The following AACS variants were observed in gnomAD, a reference collection of about 807,000 sequenced individuals.
The protein encoded by AACS is acetoacetyl-CoA synthetase, also known as acetoacetate-CoA ligase.
A neutral mutation model predicts 83.1 loss-of-function variants in AACS; 69 were observed. The observed-to-expected ratio is 0.83, with a 90% CI of 0.68 to 1.01. The LOEUF is 1.01. AACS is among the 50% of genes least tolerant of loss of function. The probability of loss-of-function intolerance (pLI) is 0.00; values close to 1 mark genes in which losing one functional copy is unlikely to be tolerated. For synonymous variants in AACS, 333 were observed against 343.4 expected (o/e 0.97, Z 0.33); for missense variants, 866 against 882.2 (o/e 0.98, Z 0.23).
rs916249838 is a variant in AACS, at chr12:125,091,455, G to A, written c.502G>A (p.Glu168Lys). 18 of 1,614,100 alleles carry A rather than the reference G, an allele frequency of 1.1e-5. No individual in the cohort carries two copies. Among genetic ancestry groups the A allele is most frequent in the African/African-American group, 2.7e-5 (2 of 74,936 alleles). ...GYLPNSEHAV[E>K]AMLAAASIGA... ...TTTACCCAACAGTGAGCACGCTGTC[G>A]AGGCGATGCTGGCTGCGGCAAGCAT... The change falls in exon 5 of 18, where the codon GAG becomes AAG. Residue 168 changes from glutamate (E) to lysine (K), a missense_variant. Physicochemically the swap from Glu to Lys is moderately conservative, Grantham distance 56. Transcript: ENST00000316519.
intron 4 of AACS, among the ~76,000 whole-genome samples, chr12:125,089,076 G>A (rs1210524889): frequency 6.6e-6 from 1 of 152,186 alleles, no homozygotes; most frequent in Non-Finnish European, 1.5e-5. Context: ...CAGCCACATG[G>A]AGTCAGATGG....
chr12:125,101,110 C>T (rs1956700041), intron 5 of AACS: 5 of 152,228 alleles, frequency 3.3e-5, no homozygotes, highest in Admixed American at 3.3e-4. Flanking sequence ...GATGGCTACC[C>T]ATGTTTGCAG....
rs774854307 is a variant in AACS at position 125,076,518 on chromosome 12, G to C, written c.265G>C (p.Asp89His). ...TGTGGACACATCGAAAGGAATCGCA[G>C]ATGTCCCCGAGTGGTTCAAAGGCAG... ...EVVDTSKGIADVPEWFKGSRL... is the reference protein window; with the variant it reads ...EVVDTSKGIAHVPEWFKGSRL... The change falls in exon 3 of 18, where the codon GAT becomes CAT. Residue 89 changes from aspartate to histidine, a missense_variant. Coordinates refer to ENST00000316519, the MANE Select transcript of AACS (RefSeq NM_023928.5). The C allele has an allele frequency of 6.2e-7, 1 of 1,614,052 alleles. No homozygotes were observed. The highest frequency in any genetic ancestry group is 8.5e-7 in the Non-Finnish European group (1 of 1,180,020).
In AACS at chr12:125,134,813, A is replaced by C. The variant is rs769940081; in HGVS notation, c.1639A>C (p.Asn547His). ...LGRSDGTLNP[N>H]GVRFGSSEIY... ...TTCCAGTGACGGCACCCTCAACCCC[A>C]ACGGGGTGCGGTTCGGCAGCTCGGA... is the stretch of plus-strand genomic sequence containing the variant. The change falls in exon 16 of 18, where the codon AAC becomes CAC. Residue 547 changes from asparagine to histidine, a missense_variant. Physicochemically the swap from Asn to His is moderately conservative, Grantham distance 68 (BLOSUM62 1). Coordinates refer to ENST00000316519, the MANE Select transcript of AACS (RefSeq NM_023928.5). 1.9e-6 allele frequency: 3 copies of C among 1,613,952 alleles called. No individual in the cohort carries two copies. The African/African-American group carries it at 4.0e-5, about 22-fold the overall frequency.
At chr12:125,103,190 T>C in intron 7 of AACS, 109 bp downstream of exon 7, 1 of 911,806 alleles carries the variant, frequency 1.1e-6, no homozygotes. Flanking sequence ...ATTTTAGAAG[T>C]GGAGGAGGTT....
At chr12:125,110,189 TTGTGTGTGTGTGTG>T (rs59856503) in intron 8 of AACS, among the ~76,000 whole-genome samples, 19,183 of 118,698 alleles carry the variant, frequency 0.16, 1,670 homozygotes, top group Non-Finnish European at 0.2. Flanking sequence ...CCGGCTAAGT[TTGTGTGTGTGTGTG>T]TGTGTGTGTG....
At chr12:125,099,548 A>G (rs1428370528) in intron 5 of AACS, among the ~76,000 whole-genome samples, 1 of 152,206 alleles carries the variant, frequency 6.6e-6, no homozygotes, top group African/African-American at 2.4e-5. Flanking sequence ...GTCACCTGCA[A>G]TATGAGGGTG....
chr12:125,125,227 G>C (rs1453116854), intron 12 of AACS, among the ~76,000 whole-genome samples: 3 of 152,120 alleles, frequency 2.0e-5, no homozygotes, highest in South Asian at 4.1e-4. Flanking sequence ...TGCTCCTGGG[G>C]GAAATAGATT....
intron 13 of AACS, chr12:125,128,482 C>T (rs1404477566): frequency 1.4e-5 from 6 of 429,174 alleles, no homozygotes; most frequent in South Asian, 1.0e-4. Context: ...AGGTCAGGGT[C>T]GAGCTGGAGG....
intron 1 of AACS, among the ~76,000 whole-genome samples, chr12:125,070,996 C>G (rs879652264): frequency 6.6e-6 from 1 of 152,206 alleles, no homozygotes; most frequent in Admixed American, 6.5e-5. Context: ...CAAGAATAAA[C>G]CTTTATCACC....
At chr12:125,116,525 G>A (rs967157738) in intron 9 of AACS, among the ~76,000 whole-genome samples, 11 of 152,134 alleles carry the variant, frequency 7.2e-5, no homozygotes, top group East Asian at 1.9e-4. Context: ...GTGCAGTGGC[G>A]CGATTTTGGC....
At chr12:125,085,655 G>A (rs1956323952) in intron 3 of AACS, among the ~76,000 whole-genome samples, 3 of 152,134 alleles carry the variant, frequency 2.0e-5, no homozygotes, top group African/African-American at 7.2e-5. Context: ...GGTGTACTCT[G>A]TTTATGGAGG....
Position 125,140,814 on chromosome 12 carries a change from G to A in AACS, c.1882-1278G>A, listed in dbSNP as rs1957476651. On this transcript the variant is annotated intron_variant, in intron 17 of 17. Transcript: ENST00000316519. The surrounding 1 kb of genome is among the most constrained non-coding windows in gnomAD (Gnocchi z 5.1). Reference sequence around the variant, plus strand: ...AACACACCGTCCCGTGCAGATGGCTGGCTCTGAGGAGGAGTTCATGGGAGC... The same window carrying A: ...AACACACCGTCCCGTGCAGATGGCTAGCTCTGAGGAGGAGTTCATGGGAGC... The A allele has an allele frequency of 6.6e-6, 1 of 152,204 alleles. No individual in the cohort carries two copies. Among genetic ancestry groups the A allele is most frequent in the Non-Finnish European group, 1.5e-5 (1 of 68,044 alleles). The allele number at this position is 152,204 out of a possible 1,614,324, so 9.4% of individuals were successfully genotyped here. A position where few individuals can be genotyped will look rare whatever the true frequency, so the allele number is the denominator to read the frequency against.
chr12:125,130,415 G>C lies in AACS; in HGVS notation c.1549+955G>C, dbSNP rs754288770. 6.7e-4 allele frequency among the ~76,000 whole-genome samples: 102 copies of C among 152,268 alleles called. No homozygotes were observed. The highest frequency in any genetic ancestry group is 1.3e-3 in the Non-Finnish European group (89 of 68,046). On this transcript the variant is annotated intron_variant, in intron 14 of 17. Transcript: ENST00000316519. This position sits in a 1 kb window ranked among gnomAD's most constrained non-coding sequence, Gnocchi z 4.9. ...CAGACAGACGAATGCAGAAAAGCAA[G>C]AGTGGATGTAGAGAAACACTCATCA...
chr12:125,081,269 C>T (rs1956176422), intron 3 of AACS, among the ~76,000 whole-genome samples: 1 of 152,232 alleles, frequency 6.6e-6, no homozygotes, highest in South Asian at 2.1e-4. Context: ...GTTGGGATTA[C>T]AGGCGTGAAC....
intron 7 of AACS, among the ~76,000 whole-genome samples, chr12:125,104,236 C>T (rs1022442037): frequency 1.3e-4 from 20 of 151,970 alleles, no homozygotes; most frequent in African/African-American, 4.8e-4. Context: ...GTACGTGGCT[C>T]CTTGAGGCCT....
rs1173310999 is a variant in AACS at position 125,128,258 on chromosome 12, A to G, written c.1407A>G (p.Glu469=). 2 of 1,612,074 alleles carry G rather than the reference A, an allele frequency of 1.2e-6. No homozygotes were observed. Among genetic ancestry groups the G allele is most frequent in the Non-Finnish European group, 1.7e-6 (2 of 1,178,614 alleles). ...CCCGGAACCTGGGCATGGCCGTGGA[A>G]GCGTGGAACGAGGAAGGTGATGGCT... is the stretch of plus-strand genomic sequence containing the variant. The part of the protein sequence containing the change: ...IQARNLGMAV[E]AWNEEGKAVW... Residue 469 remains glutamate, a synonymous_variant, in exon 13 of 18, where the codon GAA becomes GAG. Coordinates refer to ENST00000316519, the MANE Select transcript of AACS (RefSeq NM_023928.5).
At chr12:125,069,174 C>G (rs758806209) in intron 1 of AACS, among the ~76,000 whole-genome samples, 1 of 152,168 alleles carries the variant, frequency 6.6e-6, no homozygotes, top group African/African-American at 2.4e-5. Flanking sequence ...ACAGTGCCCG[C>G]GAACTCGTAT....
Position 125,094,644 on chromosome 12 carries a change from A to G in AACS, c.570+3121A>G, listed in dbSNP as rs1956563304. 6.6e-6 allele frequency among the ~76,000 whole-genome samples: 1 copy of G among 151,962 alleles called. No individual in the cohort carries two copies. The highest frequency in any genetic ancestry group is 2.4e-5 in the African/African-American group (1 of 41,370). The stretch of plus-strand genomic sequence containing the variant: ...ACTCCCCTGTGCTTTACTTCTACCC[A>G]TTCCATGCTCTCTCCCACCACTGCC... On this transcript the variant is annotated intron_variant, in intron 5 of 17. Coordinates refer to ENST00000316519, the MANE Select transcript of AACS (RefSeq NM_023928.5). The surrounding 1 kb of genome is among the most constrained non-coding windows in gnomAD (Gnocchi z 4.1).
Sources: allele counts gnomAD v4.1 joint callset (sites outside exome capture counted in the v4.1 genomes callset), GRCh38; gene constraint gnomAD v4.1.1; non-coding constraint Gnocchi (gnomAD v3.1); transcripts MANE v1.5; gene names NCBI Gene and HGNC (gene_info 2026-07-23, HGNC 2026-07-21).